Variants in EPHA6 observed in about 807,000 individuals in gnomAD.
The protein encoded by EPHA6 is EPH receptor A6, also known as ephrin type-A receptor 6.
Under a neutral mutation model 112.0 loss-of-function variants are expected in EPHA6, and 50 were observed. The ratio of observed to expected loss-of-function variants is 0.45; its 90% CI spans 0.36 to 0.56. EPHA6 has a LOEUF of 0.56. EPHA6 is among the 20% of genes least tolerant of loss of function. EPHA6 has a pLI of 0.00. For missense variants in EPHA6, 1,280 were observed against 1,417.4 expected (o/e 0.90, Z 1.56); for synonymous variants, 529 against 490.7 (o/e 1.08, Z -1.03).
intron 3 of EPHA6, among the ~76,000 whole-genome samples, chr3:97,208,590 C>CA (rs1012992834): frequency 2.0e-5 from 3 of 151,480 alleles, no homozygotes; most frequent in South Asian, 2.1e-4. Flanking sequence ...TACTAAAATA[C>CA]AAAAAAAATA....
chr3:97,596,875 A>AAAATATATATAT (rs570033415), intron 12 of EPHA6, among the ~76,000 whole-genome samples: 7 of 100,376 alleles, frequency 7.0e-5, no homozygotes, highest in African/African-American at 3.4e-4. Context: ...ATATCTATGG[A>AAAATATATATAT]ATATATATAT....
intron 10 of EPHA6, among the ~76,000 whole-genome samples, chr3:97,504,959 G>A (rs2092209904): frequency 6.6e-6 from 1 of 151,592 alleles, no homozygotes; most frequent in Non-Finnish European, 1.5e-5. Flanking sequence ...TTATAAACCT[G>A]CTTTTTAAAA....
rs2035245941 is a variant in EPHA6 at position 97,736,220 on chromosome 3, C to T, written c.3128+102C>T. ...AGAAAGGAAAAAAATGCCTTGATAA[C>T]CATCTAGTTGTTGACTTTGTGGAAA... On this transcript the variant is annotated intron_variant, in intron 16 of 17. Transcript: ENST00000389672. The T allele has an allele frequency of 1.5e-5, 13 of 842,526 alleles. No homozygotes were observed. The South Asian group carries it at 2.7e-4, about 18-fold the overall frequency. 52.2% of individuals were successfully genotyped at this position (842,526 alleles called of 1,614,324 possible). A position where few individuals can be genotyped will look rare whatever the true frequency, so the allele number is the denominator to read the frequency against.
chr3:97,638,235 G>A (rs1370436740), intron 14 of EPHA6, among the ~76,000 whole-genome samples, 153 bp downstream of exon 14: 1 of 151,896 alleles, frequency 6.6e-6, no homozygotes, highest in Non-Finnish European at 1.5e-5. Context: ...TATTTGCTTT[G>A]AGTGTCTAGT....
chr3:97,232,872 G>A (rs1022833480), intron 4 of EPHA6, among the ~76,000 whole-genome samples: 3 of 152,082 alleles, frequency 2.0e-5, no homozygotes, highest in Non-Finnish European at 4.4e-5. Flanking sequence ...GCTGGCACTC[G>A]GGAGGGGCCA....
intron 3 of EPHA6, among the ~76,000 whole-genome samples, chr3:97,048,085 A>C (rs1469512650): frequency 6.6e-6 from 1 of 152,236 alleles, no homozygotes; most frequent in Non-Finnish European, 1.5e-5. Context: ...CAAATATGGA[A>C]CATATAAATA....
At position 97,351,449 on chromosome 3, in the gene EPHA6, C is replaced by A. The variant is rs548119692; in HGVS notation, c.1607-53701C>A. 2.6e-4 allele frequency among the ~76,000 whole-genome samples: 39 copies of A among 152,274 alleles called. 1 individual carries two copies. Among genetic ancestry groups the A allele is most frequent in the African/African-American group, 6.7e-4 (28 of 41,558 alleles). On this transcript the variant is annotated intron_variant, in intron 5 of 17. Coordinates refer to ENST00000389672, the MANE Select transcript of EPHA6 (RefSeq NM_001080448.3). ...GTTACAGAAGAAAATTATTAGCAAT[C>A]CCAGAAGGATATATTTCAACTTTTG...
At chr3:97,397,362 C>T (rs1235682255) in intron 5 of EPHA6, among the ~76,000 whole-genome samples, 1 of 151,430 alleles carries the variant, frequency 6.6e-6, no homozygotes, top group East Asian at 1.9e-4. Context: ...AGAGTGTTAC[C>T]ACCATATGTC....
intron 13 of EPHA6, among the ~76,000 whole-genome samples, chr3:97,611,947 C>G (rs1412427225): frequency 6.6e-6 from 1 of 151,936 alleles, no homozygotes; most frequent in Non-Finnish European, 1.5e-5. Context: ...TATTTATACT[C>G]TGACTGGGCT....
Position 97,356,004 on chromosome 3 carries a change from A to C in EPHA6, c.1607-49146A>C, listed in dbSNP as rs150347840. ...ATGCAACAATTGTAAATATACGTGTACCCAACACTGGGCCAGGTGAGCAGC... is the reference window on the plus strand; with the variant it reads ...ATGCAACAATTGTAAATATACGTGTCCCCAACACTGGGCCAGGTGAGCAGC... On this transcript the variant is annotated intron_variant, in intron 5 of 17. Transcript: ENST00000389672. Among the ~76,000 whole-genome samples the C allele has an allele frequency of 3.1e-3, 467 of 152,308 alleles. 2 individuals are homozygous for C. Among genetic ancestry groups the C allele is most frequent in the African/African-American group, 0.01 (431 of 41,560 alleles).
intron 14 of EPHA6, 56 bp downstream of exon 14, chr3:97,638,138 T>C: frequency 1.6e-6 from 2 of 1,280,062 alleles, no homozygotes; most frequent in Non-Finnish European, 2.2e-6. Context: ...GTTTTTAATG[T>C]CATTAGAGTA....
At chr3:97,296,322 G>A (rs1365220255) in intron 5 of EPHA6, among the ~76,000 whole-genome samples, 1 of 152,128 alleles carries the variant, frequency 6.6e-6, no homozygotes, top group African/African-American at 2.4e-5. Flanking sequence ...CTATCCCCAG[G>A]ACACTAGACA....
At chr3:97,655,666 T>C (rs2094133798) in intron 14 of EPHA6, among the ~76,000 whole-genome samples, 1 of 147,994 alleles carries the variant, frequency 6.8e-6, no homozygotes, top group South Asian at 2.1e-4. Flanking sequence ...CTGGGTCAAA[T>C]GGTATTTCTA....
At chr3:96,919,785 T>G (rs2039669051) in intron 2 of EPHA6, among the ~76,000 whole-genome samples, 1 of 151,862 alleles carries the variant, frequency 6.6e-6, no homozygotes, top group Admixed American at 6.6e-5. Flanking sequence ...ACAGCTGTAT[T>G]TTTTTCTTTA....
At chr3:97,101,411 G>A (rs772910914) in intron 3 of EPHA6, among the ~76,000 whole-genome samples, 5 of 151,888 alleles carry the variant, frequency 3.3e-5, no homozygotes, top group Non-Finnish European at 7.4e-5. Flanking sequence ...TGTCTGTGTG[G>A]CCACTGCATA....
intron 5 of EPHA6, among the ~76,000 whole-genome samples, chr3:97,279,949 G>C (rs1348021221): frequency 6.6e-6 from 1 of 152,080 alleles, no homozygotes; most frequent in Non-Finnish European, 1.5e-5. Context: ...ACAGTGATGA[G>C]ATCTTGGCTC....
intron 14 of EPHA6, among the ~76,000 whole-genome samples, chr3:97,645,163 A>ACCT (rs2094047432): frequency 6.6e-6 from 1 of 151,774 alleles, no homozygotes; most frequent in Admixed American, 6.6e-5. Context: ...TCCCATTACT[A>ACCT]GGTATATACC....
chr3:97,067,965 C>A (rs1304123993), intron 3 of EPHA6, among the ~76,000 whole-genome samples: 1 of 151,580 alleles, frequency 6.6e-6, no homozygotes, highest in Admixed American at 6.6e-5. Flanking sequence ...GCCAACATGA[C>A]AAAACTCCAT....
At chr3:97,221,633 C>G (rs889561432) in intron 3 of EPHA6, among the ~76,000 whole-genome samples, 1 of 152,052 alleles carries the variant, frequency 6.6e-6, no homozygotes, top group African/African-American at 2.4e-5. Flanking sequence ...CTAACAAAAC[C>G]TAAGACCACT....
Sources: gnomAD v4.1 joint callset for allele counts (sites outside exome capture counted in the v4.1 genomes callset) on GRCh38, gnomAD v4.1.1 for gene constraint, MANE v1.5 for transcripts, NCBI Gene and HGNC (gene_info 2026-07-23, HGNC 2026-07-21) for gene names.